Variants in WDR64 observed in about 807,000 individuals in gnomAD.
WDR64 encodes the protein WD repeat-containing protein 64.
In WDR64, 112 loss-of-function variants were observed where a neutral mutation model predicts 139.3. The ratio of observed to expected loss-of-function variants is 0.80; its 90% CI spans 0.69 to 0.94. The LOEUF is 0.94. Among genes scored for constraint, WDR64 ranks in the 40% least tolerant of loss-of-function variants. The probability of loss-of-function intolerance (pLI) is 0.00; values close to 1 mark genes in which losing one functional copy is unlikely to be tolerated. For synonymous variants in WDR64, 444 were observed against 437.7 expected (o/e 1.01, Z -0.18); for missense variants, 1,206 against 1,293.1 (o/e 0.93, Z 1.03).
chr1:241,733,660 T>C (rs955405827), intron 10 of WDR64, among the ~76,000 whole-genome samples: 55 of 150,272 alleles, frequency 3.7e-4, no homozygotes, highest in African/African-American at 1.3e-3. Context: ...TATATACATA[T>C]ATGTATATAA....
At chr1:241,653,941 C>T (rs1384776641) in intron 1 of WDR64, among the ~76,000 whole-genome samples, 1 of 152,140 alleles carries the variant, frequency 6.6e-6, no homozygotes, top group Non-Finnish European at 1.5e-5. Flanking sequence ...CTAAACTACT[C>T]AACAAAACTT....
intron 6 of WDR64, among the ~76,000 whole-genome samples, chr1:241,682,108 G>A (rs1023151486): frequency 4.6e-5 from 7 of 152,104 alleles, no homozygotes; most frequent in Admixed American, 1.3e-4. Context: ...TCTTTTTGCC[G>A]TGCAAAAGCT....
chr1:241,745,520 C>G (rs1010648890), intron 13 of WDR64, among the ~76,000 whole-genome samples: 1 of 145,762 alleles, frequency 6.9e-6, no homozygotes, highest in African/African-American at 2.8e-5. Flanking sequence ...TGTTTATATG[C>G]AAGCAAGCCA....
rs919724893 is a variant in WDR64 at position 241,771,673 on chromosome 1, A to G, written c.2266A>G (p.Ser756Gly). 4 of 1,504,498 alleles carry G rather than the reference A, an allele frequency of 2.7e-6. No homozygotes were observed. The African/African-American group carries it at 5.6e-5, about 21-fold the overall frequency. The allele number at this position is 1,504,498 out of a possible 1,614,324, so 93.2% of individuals were successfully genotyped here. The change falls in exon 19 of 28, where the codon AGC becomes GGC. Residue 756 changes from serine to glycine, a missense_variant. By Grantham distance (56) the Ser-to-Gly change is moderately conservative. Transcript: ENST00000437684. ...GPQSSKGSKQSIHDSEVKGEQ... is the reference protein window; with the variant it reads ...GPQSSKGSKQGIHDSEVKGEQ... Reference sequence around the variant, plus strand: ...TCCCATAATTCAGGGAAGCAAGCAAAGCATACATGACAGTGAGGTTAAAGG... The same window carrying G: ...TCCCATAATTCAGGGAAGCAAGCAAGGCATACATGACAGTGAGGTTAAAGG...
chr1:241,708,710 TTG>T (rs201714726), intron 8 of WDR64, among the ~76,000 whole-genome samples: 19,671 of 67,074 alleles, frequency 0.29, 3,174 homozygotes, highest in Non-Finnish European at 0.38. Context: ...TTTTGTTTTT[TTG>T]TTTTTTTTTT....
In WDR64 at chr1:241,787,931, A is replaced by T; in HGVS notation, c.2788A>T (p.Ile930Phe). Residue 930 changes from isoleucine (I) to phenylalanine (F), a missense_variant, in exon 24 of 28, where the codon ATT becomes TTT. Ile to Phe is a conservative substitution (Grantham distance 21). Coordinates refer to ENST00000437684, the MANE Select transcript of WDR64 (RefSeq NM_001367482.1). Reference sequence around the variant, plus strand: ...TGAATTATCACAGACAAGAGATTTCATTTTGCCTTGTGATGTTACTGAATA... The same window carrying T: ...TGAATTATCACAGACAAGAGATTTCTTTTTGCCTTGTGATGTTACTGAATA... ...LFELSQTRDF[I>F]LPCDVTEYPI... 2 of 1,612,958 alleles carry T rather than the reference A, an allele frequency of 1.2e-6. No individual in the cohort carries two copies. The highest frequency in any genetic ancestry group is 1.7e-6 in the Non-Finnish European group (2 of 1,179,606).
intron 1 of WDR64, among the ~76,000 whole-genome samples, chr1:241,653,732 A>G (rs931821606): frequency 6.6e-6 from 1 of 151,700 alleles, no homozygotes; most frequent in South Asian, 2.1e-4. Context: ...TTTAGTAGAG[A>G]CGGGGTTTCA....
intron 25 of WDR64, 30 bp from the exon 26 acceptor site, chr1:241,795,177 T>C: frequency 1.9e-6 from 3 of 1,603,720 alleles, no homozygotes; most frequent in Non-Finnish European, 2.6e-6. Context: ...TGTGCCCCTT[T>C]CATTAAACAT....
At chr1:241,733,086 A>G (rs1297358666) in intron 10 of WDR64, among the ~76,000 whole-genome samples, 1 of 152,172 alleles carries the variant, frequency 6.6e-6, no homozygotes, top group East Asian at 1.9e-4. Flanking sequence ...CTTCAATTAC[A>G]AATTACCCTC....
intron 8 of WDR64, among the ~76,000 whole-genome samples, chr1:241,705,505 G>A (rs1323041856): frequency 1.3e-5 from 2 of 150,490 alleles, no homozygotes; most frequent in South Asian, 2.1e-4. Flanking sequence ...TCGCGCCACT[G>A]CACTCCAGCC....
At chr1:241,674,797 G>T (rs907189572) in intron 4 of WDR64, 50 bp downstream of exon 4, 2 of 1,189,326 alleles carry the variant, frequency 1.7e-6, no homozygotes, top group Non-Finnish European at 2.4e-6. Flanking sequence ...ACAATAACCA[G>T]GTAATTTAAA....
At chr1:241,690,877 ATAAT>A (rs1241143220) in intron 8 of WDR64, among the ~76,000 whole-genome samples, 1 of 152,122 alleles carries the variant, frequency 6.6e-6, no homozygotes, top group Non-Finnish European at 1.5e-5. Flanking sequence ...TTTCTAACAG[ATAAT>A]TTGTTCAAAT....
chr1:241,794,803 G>C (rs548072457), intron 25 of WDR64, among the ~76,000 whole-genome samples: 2 of 152,134 alleles, frequency 1.3e-5, no homozygotes, highest in African/African-American at 4.8e-5. Flanking sequence ...CACCGTGCCC[G>C]GCCGCTTTAT....
At chr1:241,680,745 C>T (rs1239512607) in intron 6 of WDR64, among the ~76,000 whole-genome samples, 1 of 152,188 alleles carries the variant, frequency 6.6e-6, no homozygotes, top group East Asian at 1.9e-4. Flanking sequence ...CTGAAAAAAA[C>T]TAAACAGTGC....
chr1:241,723,261 A>T (rs771294294), intron 9 of WDR64, 36 bp from the exon 10 acceptor site: 1 of 1,611,930 alleles, frequency 6.2e-7, no homozygotes, highest in African/African-American at 1.3e-5. Context: ...TGACCACCTC[A>T]GAAAACCAAC....
rs375617834 is a variant in WDR64 at position 241,736,691 on chromosome 1, G to A, written c.1195-1672G>A. Among the ~76,000 whole-genome samples, 134 of 152,216 alleles carry A rather than the reference G, an allele frequency of 8.8e-4. 4 individuals are homozygous for A. The South Asian group carries it at 0.026, about 29-fold the overall frequency. ...TCTCTAAAACATACAGGAAAGACCC[G>A]AAGAACTGCACAATGAAGAAGAGAA... On this transcript the variant is annotated intron_variant, in intron 10 of 27. Coordinates refer to ENST00000437684, the MANE Select transcript of WDR64 (RefSeq NM_001367482.1).
chr1:241,777,610 G>A (rs1222745076), intron 21 of WDR64, among the ~76,000 whole-genome samples: 3 of 151,664 alleles, frequency 2.0e-5, no homozygotes, highest in African/African-American at 7.3e-5. Context: ...TAGAGGCAGG[G>A]TTTCACCATG....
At chr1:241,665,838 G>T (rs1040950233) in intron 2 of WDR64, among the ~76,000 whole-genome samples, 1 of 152,100 alleles carries the variant, frequency 6.6e-6, no homozygotes, top group Non-Finnish European at 1.5e-5. Context: ...ATCCAAAGAA[G>T]AGGCATACCA....
chr1:241,735,675 C>T (rs1669279669), intron 10 of WDR64, among the ~76,000 whole-genome samples: 1 of 151,712 alleles, frequency 6.6e-6, no homozygotes, highest in Non-Finnish European at 1.5e-5. Flanking sequence ...GCTGGGATTA[C>T]AGGCGTGCAC....
Sources: gnomAD v4.1 joint callset for allele counts (sites outside exome capture counted in the v4.1 genomes callset) on GRCh38, gnomAD v4.1.1 for gene constraint, MANE v1.5 for transcripts, NCBI Gene and HGNC (gene_info 2026-07-23, HGNC 2026-07-21) for gene names.